Variants in BAIAP2L1 observed in about 807,000 individuals in gnomAD.
BAIAP2L1 encodes the protein BAR/IMD domain-containing adapter protein 2-like 1.
A neutral mutation model predicts 66.3 loss-of-function variants in BAIAP2L1; 35 were observed. That is an observed-to-expected ratio of 0.53 (90% CI 0.40 to 0.70). The LOEUF (loss-of-function observed/expected upper bound fraction) is 0.70, where lower values mean the gene tolerates loss of function less well. Ranked by LOEUF, BAIAP2L1 falls within the 30% of genes least tolerant of loss-of-function variation. The pLI is 0.00. For synonymous variants in BAIAP2L1, 269 were observed against 248.7 expected, an observed-to-expected ratio of 1.08 and a Z score of -0.77; for missense variants, 622 against 656.9, an observed-to-expected ratio of 0.95 and a Z score of 0.58.
chr7:98,384,693 C>CT (rs11413562), intron 1 of BAIAP2L1, among the ~76,000 whole-genome samples: 89,740 of 117,092 alleles, frequency 0.77, 36,655 homozygotes, highest in Non-Finnish European at 0.87. Context: ...ATCATTCTAC[C>CT]TTTTTTTTTT....
At chr7:98,343,952 G>A (rs1174552867) in intron 3 of BAIAP2L1, among the ~76,000 whole-genome samples, 3 of 152,178 alleles carry the variant, frequency 2.0e-5, no homozygotes, top group African/African-American at 7.2e-5. Flanking sequence ...AGGCCGAGGC[G>A]GACGGATCAT....
rs80355080 is a variant in BAIAP2L1 at position 98,373,800 on chromosome 7, T to A, written c.52-11368A>T. On this transcript the variant is annotated intron_variant, in intron 1 of 13. Transcript: ENST00000005260. Reference sequence around the variant, plus strand: ...AGGAACACTCCTATTTACACAGGTATCTCCAGGAACCTCCACTTCCTGTTA... The same window carrying A: ...AGGAACACTCCTATTTACACAGGTAACTCCAGGAACCTCCACTTCCTGTTA... Among the ~76,000 whole-genome samples the A allele has an allele frequency of 8.0e-3, 1,220 of 152,292 alleles. 39 individuals carry two copies. In the East Asian group the frequency reaches 0.097, roughly 12 times the overall value.
intron 3 of BAIAP2L1, among the ~76,000 whole-genome samples, chr7:98,332,202 G>A (rs1801510577): frequency 6.6e-6 from 1 of 151,076 alleles, no homozygotes; most frequent in Non-Finnish European, 1.5e-5. Flanking sequence ...GGCCAACATG[G>A]TGGAACTCTG....
chr7:98,307,875 A>G lies in BAIAP2L1; in HGVS notation c.977T>C (p.Leu326Ser). 3.7e-6 allele frequency: 6 copies of G among 1,614,258 alleles called. No homozygotes were observed. The highest frequency in any genetic ancestry group is 4.2e-6 in the Non-Finnish European group (5 of 1,180,044). The part of the protein sequence containing the change: ...NSTGTSEDPS[L>S]QRSVSVATGL... ...CGTTGCAACCGAAACTGATCGCTGT[A>G]AACTGGGATCTTCGGAAGTACCTGT... is the stretch of plus-strand genomic sequence containing the variant. The change falls in exon 10 of 14, where the codon TTA becomes TCA. Residue 326 changes from leucine to serine, a missense_variant. Leu to Ser is a moderately radical substitution (Grantham distance 145, BLOSUM62 -2). Coordinates refer to ENST00000005260, the MANE Select transcript of BAIAP2L1 (RefSeq NM_018842.5).
At chr7:98,335,788 T>C (rs1801605327) in intron 3 of BAIAP2L1, among the ~76,000 whole-genome samples, 1 of 152,126 alleles carries the variant, frequency 6.6e-6, no homozygotes, top group African/African-American at 2.4e-5. Context: ...CCGGGACACC[T>C]TCCCTCAGCT....
intron 1 of BAIAP2L1, among the ~76,000 whole-genome samples, chr7:98,371,414 C>G (rs1584492610): frequency 6.6e-6 from 1 of 152,132 alleles, no homozygotes; most frequent in East Asian, 1.9e-4. Flanking sequence ...GGTTCTACCG[C>G]AAAACCTTAG....
intron 3 of BAIAP2L1, among the ~76,000 whole-genome samples, chr7:98,325,653 G>A (rs971422068): frequency 3.9e-5 from 6 of 152,176 alleles, no homozygotes; most frequent in Non-Finnish European, 8.8e-5. Flanking sequence ...ACTCCAGCCC[G>A]GGTGACAGAG....
chr7:98,395,487 C>T (rs573561540), intron 1 of BAIAP2L1, among the ~76,000 whole-genome samples: 12 of 149,206 alleles, frequency 8.0e-5, no homozygotes, highest in South Asian at 6.5e-4. Flanking sequence ...AGGGGTGCAG[C>T]GACTGGGAGG....
intron 8 of BAIAP2L1, 112 bp from the exon 9 acceptor site, chr7:98,310,704 T>TTTATTTA (rs1241140771): frequency 4.9e-5 from 24 of 489,672 alleles, no homozygotes; most frequent in Non-Finnish European, 5.4e-5. Flanking sequence ...TTATTTATTT[T>TTTATTTA]GAGACAGAGT....
chr7:98,292,656 G>C lies in BAIAP2L1; in HGVS notation c.*865C>G, dbSNP rs1254822811. 1.9e-6 allele frequency: 3 copies of C among 1,551,672 alleles called. No individual in the cohort carries two copies. In the South Asian group the frequency reaches 3.6e-5, roughly 18 times the overall value. On this transcript the variant is annotated 3_prime_UTR_variant, in exon 14 of 14. Transcript: ENST00000005260. ...TTCTCCAGGCACCAGAGGTCATCCT[G>C]GCTTTACACGTATCCTTTGAGAGTC...
chr7:98,342,041 AT>A (rs142061599), intron 3 of BAIAP2L1, among the ~76,000 whole-genome samples: 23,039 of 95,342 alleles, frequency 0.24, 2,040 homozygotes, highest in East Asian at 0.44. Context: ...TTTTTTTCTG[AT>A]TTTTTTTTTT....
intron 3 of BAIAP2L1, among the ~76,000 whole-genome samples, chr7:98,348,569 C>CAAAAAAA (rs752966671): frequency 9.1e-6 from 1 of 109,856 alleles, no homozygotes; most frequent in African/African-American, 3.9e-5. Context: ...TCTGCCTCCA[C>CAAAAAAA]AAAAAAAAAA....
intron 3 of BAIAP2L1, among the ~76,000 whole-genome samples, chr7:98,343,284 C>CACAG (rs1206394004): frequency 7.3e-6 from 1 of 137,544 alleles, no homozygotes; most frequent in African/African-American, 2.6e-5. Flanking sequence ...CACACACACA[C>CACAG]ACAGACACAC....
chr7:98,317,465 C>G, intron 5 of BAIAP2L1, 109 bp from the exon 6 acceptor site: 1 of 1,366,936 alleles, frequency 7.3e-7, no homozygotes, highest in Non-Finnish European at 1.0e-6. Flanking sequence ...GCCCTGACAC[C>G]CTCACTTCAC....
At chr7:98,386,211 A>T in intron 1 of BAIAP2L1, 1 of 1,516,808 alleles carries the variant, frequency 6.6e-7, no homozygotes, top group South Asian at 1.1e-5. Context: ...TAGTCTTGAC[A>T]TCAACGTGAG....
chr7:98,377,268 G>A (rs1004080234), intron 1 of BAIAP2L1, among the ~76,000 whole-genome samples: 14 of 152,130 alleles, frequency 9.2e-5, no homozygotes, highest in African/African-American at 3.1e-4. Context: ...TAATGACGAC[G>A]ACGTGGTAGG....
At chr7:98,311,831 G>A (rs1424748011) in intron 8 of BAIAP2L1, among the ~76,000 whole-genome samples, 5 of 151,896 alleles carry the variant, frequency 3.3e-5, no homozygotes, top group African/African-American at 9.7e-5. Flanking sequence ...ACTTGAACCC[G>A]GGAGGTGGAG....
At chr7:98,305,527 C>T (rs1431008323) in intron 11 of BAIAP2L1, among the ~76,000 whole-genome samples, 1 of 151,940 alleles carries the variant, frequency 6.6e-6, no homozygotes, top group Admixed American at 6.6e-5. Context: ...AACTTCGATC[C>T]TCCCGCCTCA....
intron 3 of BAIAP2L1, among the ~76,000 whole-genome samples, chr7:98,327,129 G>C (rs1440242957): frequency 6.6e-6 from 1 of 152,204 alleles, no homozygotes. Context: ...GGGAGGCCAA[G>C]GCAGATGGAT....
Sources: gnomAD v4.1 joint callset for allele counts (sites outside exome capture counted in the v4.1 genomes callset) on GRCh38, gnomAD v4.1.1 for gene constraint, MANE v1.5 for transcripts, NCBI Gene and HGNC (gene_info 2026-07-23, HGNC 2026-07-21) for gene names.